PLP2: variants seen among roughly 807,000 people sequenced by gnomAD.
PLP2 encodes A4 differentiation-dependent protein.
In PLP2, 8 loss-of-function variants were observed where a neutral mutation model predicts 11.4. The observed-to-expected ratio is 0.70, with a 90% confidence interval of 0.41 to 1.27. The LOEUF (loss-of-function observed/expected upper bound fraction) is 1.27, where lower values mean the gene tolerates loss of function less well. Among genes scored for constraint, PLP2 ranks in the 50% most tolerant of loss-of-function variants. The pLI, the probability that PLP2 is intolerant of heterozygous loss-of-function variation, is 0.01. For missense variants in PLP2, 127 were observed against 123.5 expected (o/e 1.03, Z -0.14); for synonymous variants, 50 against 53.2 (o/e 0.94, Z 0.26).
chrX:49,172,065 C>T lies in PLP2; in HGVS notation c.65C>T (p.Thr22Ile). Residue 22 changes from threonine to isoleucine, a missense_variant, in exon 1 of 5, where the codon ACT becomes ATT. Physicochemically the swap from Thr to Ile is moderately conservative, Grantham distance 89. Transcript: ENST00000376327. ...CWAACTNFSR[T>I]RKGILLFAEI... is the part of the protein sequence containing the mutation. ...GCCGCCTGCACCAACTTCTCGCGCACTCGAAAGGGAATCCTCCTGTTTGCT... is the reference window on the plus strand; with the variant it reads ...GCCGCCTGCACCAACTTCTCGCGCATTCGAAAGGGAATCCTCCTGTTTGCT... 8.3e-7 allele frequency: 1 copy of T among 1,206,531 alleles called. No individual in the cohort carries two copies. Among genetic ancestry groups the T allele is most frequent in the Non-Finnish European group, 1.1e-6 (1 of 890,766 alleles).
rs782634210 is a variant in PLP2 at position 49,174,405 on chromosome X, G to A, written c.416G>A (p.Arg139Lys). 8.4e-7 allele frequency: 1 copy of A among 1,184,975 alleles called. No homozygotes were observed. Among genetic ancestry groups the A allele is most frequent in the Admixed American group, 2.3e-5 (1 of 42,721 alleles). ...GTCACCTTCCCCGTTCGGCAGCCAA[G>A]ACATACAGCAGCCCCCACTGGTAAG... is the stretch of plus-strand genomic sequence containing the variant. Reference protein sequence around the residue: ...AYVTFPVRQPRHTAAPTDPAD... With the variant: ...AYVTFPVRQPKHTAAPTDPAD... Residue 139 changes from arginine (R) to lysine (K), a missense_variant, in exon 4 of 5, where the codon AGA (arginine) becomes AAA (lysine). By Grantham distance (26) the Arg-to-Lys change is conservative. Transcript: ENST00000376327.
At position 49,175,128 on chromosome X, in the gene PLP2, A is replaced by T. The variant is rs782788904; in HGVS notation, c.*434A>T. On this transcript the variant is annotated 3_prime_UTR_variant, in exon 5 of 5. Transcript: ENST00000376327. ...AGTAATCCTTTCATCAAATGTGGGT[A>T]AATTTCAAGCATCAGGAGGGGGAAA... 1 of 202,081 alleles carries T rather than the reference A, an allele frequency of 4.9e-6. No individual in the cohort carries two copies. Among genetic ancestry groups the T allele is most frequent in the Admixed American group, 6.8e-5 (1 of 14,656 alleles). 16.7% of individuals were successfully genotyped at this position (202,081 alleles called of 1,213,427 possible).
intron 1 of PLP2, 75 bp from the exon 2 acceptor site, chrX:49,173,054 G>T (rs1443424956): frequency 1.0e-6 from 1 of 971,927 alleles, no homozygotes; most frequent in Non-Finnish European, 1.5e-6. Context: ...ATCTTAGTAT[G>T]GGACCCCCAA....
Position 49,173,436 on chromosome X carries a change from A to G in PLP2, c.298A>G (p.Ile100Val), listed in dbSNP as rs2065399556. 2 of 1,211,641 alleles carry G rather than the reference A, an allele frequency of 1.7e-6. No homozygotes were observed. Among genetic ancestry groups the G allele is most frequent in the Non-Finnish European group, 2.2e-6 (2 of 895,477 alleles). The stretch of plus-strand genomic sequence containing the variant: ...GGCAATCCTCTACCTGATCACCTCC[A>G]TTGTTGTCCTTGTTGAGAGAGGAAA... ...IAAILYLITS[I>V]VVLVERGNHS... The change falls in exon 3 of 5, where the codon ATT becomes GTT. Residue 100 changes from isoleucine (I) to valine (V), a missense_variant. By Grantham distance (29) the Ile-to-Val change is conservative. Transcript: ENST00000376327.
At chrX:49,172,747 A>G (rs1455386883) in intron 1 of PLP2, among the ~76,000 whole-genome samples, 1 of 112,178 alleles carries the variant, frequency 8.9e-6, no homozygotes, top group Admixed American at 9.4e-5. Flanking sequence ...GGTCAAGGCC[A>G]CAAAGCTGGC....
chrX:49,174,573 G>A (rs2065404846), intron 4 of PLP2, 99 bp from the exon 5 acceptor site: 2 of 920,237 alleles, frequency 2.2e-6, no homozygotes, highest in Non-Finnish European at 3.1e-6. Flanking sequence ...CATAAGCTTC[G>A]GTATTCTTGT....
chrX:49,173,337 T>C (rs1557099432), intron 2 of PLP2, 51 bp from the exon 3 acceptor site: 2 of 1,206,630 alleles, frequency 1.7e-6, no homozygotes, highest in Non-Finnish European at 2.2e-6. Context: ...GTTAGGATTG[T>C]CGGGGAACTG....
chrX:49,173,800 A>C, intron 3 of PLP2: 2 of 434,360 alleles, frequency 4.6e-6, no homozygotes, highest in Non-Finnish European at 8.0e-6. Context: ...GCAGTGGCTC[A>C]TGCCTGTATT....
At chrX:49,174,267 A>G in intron 3 of PLP2, 68 bp from the exon 4 acceptor site, 3 of 809,590 alleles carry the variant, frequency 3.7e-6, no homozygotes, top group Non-Finnish European at 5.6e-6. Context: ...TGGTGGATAC[A>G]AGAAGATAAG....
chrX:49,173,602 A>C, intron 3 of PLP2, 119 bp downstream of exon 3: 1 of 1,172,951 alleles, frequency 8.5e-7, no homozygotes, highest in Non-Finnish European at 1.1e-6. Context: ...ACTTGTCCTC[A>C]GACATGGAGG....
rs1396324440 is a variant in PLP2 at position 49,174,891 on chromosome X, A to G, written c.*197A>G. 4 of 485,159 alleles carry G rather than the reference A, an allele frequency of 8.2e-6. No individual in the cohort carries two copies. The Admixed American group carries it at 1.2e-4, about 14-fold the overall frequency. The allele number at this position is 485,159 out of a possible 1,213,427, so 40.0% of individuals were successfully genotyped here. A position where few individuals can be genotyped will look rare whatever the true frequency, so the allele number is the denominator to read the frequency against. On this transcript the variant is annotated 3_prime_UTR_variant, in exon 5 of 5. Transcript: ENST00000376327. ...GTGTGGCCACCATATGTGTGTGCCT[A>G]GGTCCTCCTTCTGCACGATCCAATA...
chrX:49,174,621 A>G (rs1158189566), intron 4 of PLP2, 51 bp from the exon 5 acceptor site: 4 of 1,144,960 alleles, frequency 3.5e-6, no homozygotes, highest in Non-Finnish European at 4.8e-6. Flanking sequence ...TTGTTTTAAA[A>G]AATGGGCATA....
rs782153893 is a variant in PLP2, at chrX:49,173,470, A to G, written c.332A>G (p.Lys111Arg). The G allele has an allele frequency of 1.7e-5, 21 of 1,209,923 alleles. No homozygotes were observed. In the South Asian group the frequency reaches 3.2e-4, roughly 18 times the overall value. Reference sequence around the variant, plus strand: ...CTTGTTGAGAGAGGAAACCACTCCAAAATCGTCGCAGGGGTAAAGGCCATG... The same window carrying G: ...CTTGTTGAGAGAGGAAACCACTCCAGAATCGTCGCAGGGGTAAAGGCCATG... ...VVLVERGNHS[K>R]IVAGVLGLIA... The change falls in exon 3 of 5, where the codon AAA becomes AGA. Residue 111 changes from lysine (K) to arginine (R), a missense_variant. By Grantham distance (26) the Lys-to-Arg change is conservative (BLOSUM62 2). Transcript: ENST00000376327.
rs1223041274 is a variant in PLP2 at position 49,174,949 on chromosome X, A to G, written c.*255A>G. Reference sequence around the variant, plus strand: ...CCAGTTCTGACTGAACCATGCCCCCACCTAAGTCACAAAATGAGGGAAGTG... The same window carrying G: ...CCAGTTCTGACTGAACCATGCCCCCGCCTAAGTCACAAAATGAGGGAAGTG... On this transcript the variant is annotated 3_prime_UTR_variant, in exon 5 of 5. Transcript: ENST00000376327. The G allele has an allele frequency of 1.2e-4, 51 of 436,700 alleles. 1 individual carries two copies. Among genetic ancestry groups the G allele is most frequent in the Non-Finnish European group, 3.2e-5 (8 of 248,990 alleles). The allele number at this position is 436,700 out of a possible 1,213,427, so 36.0% of individuals were successfully genotyped here.
At chrX:49,173,362 C>T (rs2065399021) in intron 2 of PLP2, 26 bp from the exon 3 acceptor site, 1 of 1,205,157 alleles carries the variant, frequency 8.3e-7, no homozygotes, top group Admixed American at 2.2e-5. Flanking sequence ...TGCTGACTTC[C>T]CTCTTCTCCT....
rs1208931243 is a variant in PLP2 at position 49,173,297 on chromosome X, C to A, written c.249+16C>A. ...GCCCTGGAGTGTGAGAAGGGGTCCACAATGGCAAGACCAGGGAGGGGTCTG... is the reference window on the plus strand; with the variant it reads ...GCCCTGGAGTGTGAGAAGGGGTCCAAAATGGCAAGACCAGGGAGGGGTCTG... On this transcript the variant is annotated intron_variant, in intron 2 of 4. Coordinates refer to ENST00000376327, the MANE Select transcript of PLP2 (RefSeq NM_002668.3). 8.3e-7 allele frequency: 1 copy of A among 1,209,986 alleles called. No homozygotes were observed.
intron 1 of PLP2, among the ~76,000 whole-genome samples, chrX:49,172,764 G>A (rs917296916): frequency 4.5e-5 from 5 of 112,040 alleles, no homozygotes; most frequent in African/African-American, 1.6e-4. Flanking sequence ...TGGCGTCAGC[G>A]GGGCTCACAA....
At position 49,171,917 on chromosome X, in the gene PLP2, G is replaced by A; in HGVS notation, c.-84G>A. The A allele has an allele frequency of 1.4e-6, 1 of 692,603 alleles. No individual in the cohort carries two copies. 57.1% of individuals were successfully genotyped at this position (692,603 alleles called of 1,213,427 possible). The stretch of plus-strand genomic sequence containing the variant: ...GGCCCCCTTCCCGGCCAGACGGCGG[G>A]CAAGACAGCTGGGTGTACAGCGTCC... On this transcript the variant is annotated 5_prime_UTR_variant, in exon 1 of 5. Coordinates refer to ENST00000376327, the MANE Select transcript of PLP2 (RefSeq NM_002668.3).
chrX:49,174,831 CTTTT>C lies in PLP2; in HGVS notation c.*138_*141del. ...AGGTAAAAGTGCCTTTATTGGGAGA[CTTTT>C]GTCTTCCAGCCTGCCAATCAACCCT... On this transcript the variant is annotated 3_prime_UTR_variant, in exon 5 of 5. Coordinates refer to ENST00000376327, the MANE Select transcript of PLP2 (RefSeq NM_002668.3). 1.7e-6 allele frequency: 1 copy of C among 572,064 alleles called. No individual in the cohort carries two copies. Among genetic ancestry groups the C allele is most frequent in the Non-Finnish European group, 3.0e-6 (1 of 330,690 alleles). 47.1% of individuals were successfully genotyped at this position (572,064 alleles called of 1,213,427 possible). A position where few individuals can be genotyped will look rare whatever the true frequency, so the allele number is the denominator to read the frequency against.
Sources: gnomAD v4.1 joint callset for allele counts (sites outside exome capture counted in the v4.1 genomes callset) on GRCh38, gnomAD v4.1.1 for gene constraint, MANE v1.5 for transcripts, NCBI Gene and HGNC (gene_info 2026-07-23, HGNC 2026-07-21) for gene names.